PLXDC2: variants seen among roughly 807,000 people sequenced by gnomAD.
PLXDC2 encodes plexin domain-containing protein 2.
A neutral mutation model predicts 68.9 loss-of-function variants in PLXDC2; 40 were observed. That is an observed-to-expected ratio of 0.58 (90% CI 0.45 to 0.76). PLXDC2 has a LOEUF of 0.76. PLXDC2 is among the 30% of genes least tolerant of loss of function. The pLI, the probability that PLXDC2 is intolerant of heterozygous loss-of-function variation, is 0.00. For synonymous variants in PLXDC2, 243 were observed against 234.2 expected (o/e 1.04, Z -0.34); for missense variants, 644 against 661.9 (o/e 0.97, Z 0.30).
At chr10:19,834,960 A>G (rs189479221) in intron 1 of PLXDC2, among the ~76,000 whole-genome samples, 51 of 152,290 alleles carry the variant, frequency 3.3e-4, no homozygotes, top group African/African-American at 1.2e-3. Context: ...CTAGAGAGTC[A>G]GGGAAGGCTT....
intron 13 of PLXDC2, among the ~76,000 whole-genome samples, chr10:20,263,244 A>G (rs999577243): frequency 6.6e-6 from 1 of 152,192 alleles, no homozygotes; most frequent in African/African-American, 2.4e-5. Context: ...GCTGATAAAA[A>G]TAAACAATGG....
chr10:20,131,046 A>G (rs1461454699), intron 4 of PLXDC2, among the ~76,000 whole-genome samples: 4 of 152,138 alleles, frequency 2.6e-5, no homozygotes, highest in African/African-American at 9.6e-5. Flanking sequence ...GATTTTAAGT[A>G]GTATTGGTGT....
intron 13 of PLXDC2, among the ~76,000 whole-genome samples, chr10:20,275,497 A>G (rs1473529412): frequency 6.6e-6 from 1 of 152,174 alleles, no homozygotes; most frequent in African/African-American, 2.4e-5. Flanking sequence ...GGGCTCGGGG[A>G]GCGCACGCAA....
chr10:20,217,595 G>GTTTTTT lies in PLXDC2; in HGVS notation c.1273+19_1273+20insTTTTTT. The GTTTTTT allele has an allele frequency of 3.8e-6, 1 of 262,560 alleles. No individual in the cohort carries two copies. The highest frequency in any genetic ancestry group is 5.2e-6 in the Non-Finnish European group (1 of 190,508). 16.3% of individuals were successfully genotyped at this position (262,560 alleles called of 1,614,324 possible). A position where few individuals can be genotyped will look rare whatever the true frequency, so the allele number is the denominator to read the frequency against. ...ACAGAAGGTACCCAAGAGATAGTTT[G>GTTTTTT]CTTTTTTTTTTTTTTTTTTTTTTTT... On this transcript the variant is annotated intron_variant, in intron 11 of 13. Coordinates refer to ENST00000377252, the MANE Select transcript of PLXDC2 (RefSeq NM_032812.9).
chr10:19,875,323 G>C (rs182672309), intron 1 of PLXDC2, among the ~76,000 whole-genome samples: 1 of 152,148 alleles, frequency 6.6e-6, no homozygotes, highest in African/African-American at 2.4e-5. Context: ...GTCACAAAAA[G>C]TAGGTAACTG....
rs186810811 is a variant in PLXDC2 at position 20,110,512 on chromosome 10, C to T, written c.542-32783C>T. On this transcript the variant is annotated intron_variant, in intron 4 of 13. Transcript: ENST00000377252. ...TGTGGAATCCCCTTTTTTTGGAAATCACCTTCATTGATTTCTGTAATGCCA... is the reference window on the plus strand; with the variant it reads ...TGTGGAATCCCCTTTTTTTGGAAATTACCTTCATTGATTTCTGTAATGCCA... Among the ~76,000 whole-genome samples, 108 of 152,032 alleles carry T rather than the reference C, an allele frequency of 7.1e-4. 1 individual carries two copies. The highest frequency in any genetic ancestry group is 2.6e-3 in the African/African-American group (106 of 41,510).
At chr10:20,083,194 G>A (rs769893013) in intron 4 of PLXDC2, among the ~76,000 whole-genome samples, 1 of 152,032 alleles carries the variant, frequency 6.6e-6, no homozygotes, top group Non-Finnish European at 1.5e-5. Context: ...TACTATGTGC[G>A]GCCGGGCGGG....
chr10:20,157,440 G>A (rs890679917), intron 6 of PLXDC2, among the ~76,000 whole-genome samples: 1 of 152,174 alleles, frequency 6.6e-6, no homozygotes, highest in African/African-American at 2.4e-5. Flanking sequence ...GGAAACAAAT[G>A]AATGTTTTGG....
chr10:19,976,337 C>T (rs1457869394), intron 1 of PLXDC2, among the ~76,000 whole-genome samples: 2 of 152,048 alleles, frequency 1.3e-5, no homozygotes, highest in African/African-American at 4.8e-5. Context: ...CCTCAGCCTC[C>T]CGAGTAGCTG....
At chr10:20,233,851 A>C (rs1298885147) in intron 12 of PLXDC2, among the ~76,000 whole-genome samples, 2 of 152,090 alleles carry the variant, frequency 1.3e-5, no homozygotes, top group Non-Finnish European at 2.9e-5. Flanking sequence ...GGCATGGTCT[A>C]ACTCTGTCAC....
chr10:20,102,090 T>C (rs1833431080), intron 4 of PLXDC2, among the ~76,000 whole-genome samples: 1 of 152,152 alleles, frequency 6.6e-6, no homozygotes, highest in Non-Finnish European at 1.5e-5. Flanking sequence ...CATGAGCCAC[T>C]GTGCCCAGTC....
Position 19,826,070 on chromosome 10 carries a change from A to G in PLXDC2, c.112+8879A>G, listed in dbSNP as rs562849134. Among the ~76,000 whole-genome samples the G allele has an allele frequency of 2.2e-4, 33 of 152,352 alleles. No homozygotes were observed. In the East Asian group the frequency reaches 6.2e-3, roughly 28 times the overall value. On this transcript the variant is annotated intron_variant, in intron 1 of 13. Transcript: ENST00000377252. ...ATTGCAAAATATCCCAATGAAAAGTATATATGAAATAATTTTTGGCAAACT... is the reference window on the plus strand; with the variant it reads ...ATTGCAAAATATCCCAATGAAAAGTGTATATGAAATAATTTTTGGCAAACT...
Position 19,902,212 on chromosome 10 carries a change from A to C in PLXDC2, c.112+85021A>C, listed in dbSNP as rs578219399. The stretch of plus-strand genomic sequence containing the variant: ...TTTTTTTCTAGTTCTGTGAAAAATC[A>C]TAGCAGTATTTTGATGGGAATTGCA... On this transcript the variant is annotated intron_variant, in intron 1 of 13. Coordinates refer to ENST00000377252, the MANE Select transcript of PLXDC2 (RefSeq NM_032812.9). 2.0e-5 allele frequency among the ~76,000 whole-genome samples: 3 copies of C among 152,208 alleles called. No individual in the cohort carries two copies. In the East Asian group the frequency reaches 5.8e-4, roughly 29 times the overall value.
intron 2 of PLXDC2, among the ~76,000 whole-genome samples, chr10:20,005,682 A>C (rs556412626): frequency 2.0e-5 from 3 of 152,186 alleles, no homozygotes; most frequent in Admixed American, 2.0e-4. Flanking sequence ...AGTGAGGGGC[A>C]TGGTGCTGCA....
At chr10:20,256,043 CATA>C (rs1554779121) in intron 13 of PLXDC2, among the ~76,000 whole-genome samples, 2 of 152,016 alleles carry the variant, frequency 1.3e-5, no homozygotes, top group Non-Finnish European at 2.9e-5. Flanking sequence ...TTCTAATTAA[CATA>C]ATACTTAAAA....
chr10:19,992,565 T>A (rs1273178620), intron 1 of PLXDC2, among the ~76,000 whole-genome samples: 2 of 152,188 alleles, frequency 1.3e-5, no homozygotes, highest in African/African-American at 4.8e-5. Flanking sequence ...TATCACAGTA[T>A]AACAAGTGCT....
chr10:19,939,974 A>G (rs1282815325), intron 1 of PLXDC2, among the ~76,000 whole-genome samples: 1 of 151,868 alleles, frequency 6.6e-6, no homozygotes, highest in Non-Finnish European at 1.5e-5. Flanking sequence ...TTCCATTGGT[A>G]TGGTTGGCTT....
chr10:19,902,780 A>G (rs1424707647), intron 1 of PLXDC2, among the ~76,000 whole-genome samples: 1 of 152,140 alleles, frequency 6.6e-6, no homozygotes, highest in South Asian at 2.1e-4. Flanking sequence ...AATGCTTTCA[A>G]CTTTTCCCTG....
intron 7 of PLXDC2, 21 bp downstream of exon 7, chr10:20,164,588 C>T (rs747490664): frequency 2.6e-6 from 4 of 1,560,450 alleles, no homozygotes; most frequent in Admixed American, 1.7e-5. Context: ...GAAGGGCAGT[C>T]GCAATGAGTG....
Sources: gnomAD v4.1 joint callset for allele counts (sites outside exome capture counted in the v4.1 genomes callset) on GRCh38, gnomAD v4.1.1 for gene constraint, MANE v1.5 for transcripts, NCBI Gene and HGNC (gene_info 2026-07-23, HGNC 2026-07-21) for gene names.